The following PCOLCE variants were observed in gnomAD, a reference collection of about 807,000 sequenced individuals.
The protein encoded by PCOLCE is procollagen C-endopeptidase enhancer.
In PCOLCE, 33 loss-of-function variants were observed where a neutral mutation model predicts 47.2. The ratio of observed to expected loss-of-function variants is 0.70; its 90% CI spans 0.53 to 0.93. The LOEUF is 0.93. Ranked by LOEUF, PCOLCE falls within the 40% of genes least tolerant of loss-of-function variation. The probability of loss-of-function intolerance (pLI) is 0.00; values close to 1 mark genes in which losing one functional copy is unlikely to be tolerated. For synonymous variants in PCOLCE, 254 were observed against 252.5 expected, an observed-to-expected ratio of 1.01 and a Z score of -0.06; for missense variants, 584 against 585.3, an observed-to-expected ratio of 1.00 and a Z score of 0.02.
Position 100,605,105 on chromosome 7 carries a change from G to C in PCOLCE, c.478G>C (p.Gly160Arg). The change falls in exon 4 of 9, where the codon GGG (glycine) becomes CGG (arginine). Residue 160 changes from glycine to arginine, a missense_variant. Coordinates refer to ENST00000223061, the MANE Select transcript of PCOLCE (RefSeq NM_002593.4). This position sits in a 1 kb window ranked among gnomAD's most constrained non-coding sequence, Gnocchi z 6.1. ...CCCCTCCCCAGAGCACCAATTTTGC[G>C]GGGGGCGGCTGGAGAAGGCCCAGGG... Reference protein sequence around the residue: ...ATSGTEHQFCGGRLEKAQGTL... With the variant: ...ATSGTEHQFCRGRLEKAQGTL... The C allele has an allele frequency of 1.9e-6, 3 of 1,611,146 alleles. No individual in the cohort carries two copies. The highest frequency in any genetic ancestry group is 2.5e-6 in the Non-Finnish European group (3 of 1,178,712).
At position 100,602,504 on chromosome 7, in the gene PCOLCE, C is replaced by T. The variant is rs1259084340; in HGVS notation, c.48C>T (p.Ala16=). The change falls in exon 1 of 9, where the codon GCC becomes GCT. Residue 16 remains alanine, a synonymous_variant. Transcript: ENST00000223061. ...TASLLGPLLT[A]CALLPFAQGQ... is the part of the protein sequence containing the mutation. Reference sequence around the variant, plus strand: ...CCCTCCTGGGGCCCCTCCTCACTGCCTGCGCCCTGCTGCCTTTTGCCCAGG... The same window carrying T: ...CCCTCCTGGGGCCCCTCCTCACTGCTTGCGCCCTGCTGCCTTTTGCCCAGG... 1 of 1,613,258 alleles carries T rather than the reference C, an allele frequency of 6.2e-7. No individual in the cohort carries two copies.
Position 100,604,049 on chromosome 7 carries a change from G to A in PCOLCE, c.295G>A (p.Ala99Thr), listed in dbSNP as rs772631901. 2 of 1,607,804 alleles carry A rather than the reference G, an allele frequency of 1.2e-6. No individual in the cohort carries two copies. Among genetic ancestry groups the A allele is most frequent in the African/African-American group, 1.3e-5 (1 of 74,930 alleles). ...ACRYDALEVF[A>T]GSGTSGQRLG... ...CCGCTACGATGCTCTGGAGGTCTTC[G>A]CTGGGTCTGGGACTTCCGGCCAGCG... Residue 99 changes from alanine (A) to threonine (T), a missense_variant, in exon 3 of 9, where the codon GCT becomes ACT. Physicochemically the swap from Ala to Thr is moderately conservative, Grantham distance 58. Coordinates refer to ENST00000223061, the MANE Select transcript of PCOLCE (RefSeq NM_002593.4). The surrounding 1 kb of genome is among the most constrained non-coding windows in gnomAD (Gnocchi z 6.4).
At chr7:100,603,606 G>A (rs1310538691) in intron 2 of PCOLCE, 68 bp downstream of exon 2, 2 of 682,224 alleles carry the variant, frequency 2.9e-6, no homozygotes, top group South Asian at 3.6e-5. Context: ...ACTGCGAAGG[G>A]ACCCCCCCCC....
In PCOLCE at chr7:100,602,543, C is replaced by T; in HGVS notation, c.87C>T (p.Asn29=). ...LLPFAQGQTP[N]YTRPVFLCGG... ...CTTTTGCCCAGGGCCAGACCCCCAA[C>T]TACACCAGGTAGGTCTCTTGGCATC... The change falls in exon 1 of 9, where the codon AAC becomes AAT. Residue 29 remains asparagine (N), a synonymous_variant. Transcript: ENST00000223061. 3 of 1,601,272 alleles carry T rather than the reference C, an allele frequency of 1.9e-6. No individual in the cohort carries two copies. The highest frequency in any genetic ancestry group is 2.2e-5 in the East Asian group (1 of 44,816).
Position 100,607,704 on chromosome 7 carries a change from T to C in PCOLCE, c.1080T>C (p.Leu360=), listed in dbSNP as rs200457121. ...AGGGCCTTGCCGTGACTGTCAGTCTTATTGGTGCTTATAAAACTGGAGGAC... is the reference window on the plus strand; with the variant it reads ...AGGGCCTTGCCGTGACTGTCAGTCTCATTGGTGCTTATAAAACTGGAGGAC... ...PGEGLAVTVS[L]IGAYKTGGLD... The change falls in exon 8 of 9, where the codon CTT becomes CTC. Residue 360 remains leucine (L), a synonymous_variant. Transcript: ENST00000223061. The C allele has an allele frequency of 5.0e-5, 81 of 1,613,980 alleles. No individual in the cohort carries two copies. In the East Asian group the frequency reaches 1.8e-3, roughly 36 times the overall value.
rs1802699371 is a variant in PCOLCE, at chr7:100,605,579, G to A, written c.589-97G>A. On this transcript the variant is annotated intron_variant, in intron 4 of 8. Transcript: ENST00000223061. The surrounding 1 kb of genome is among the most constrained non-coding windows in gnomAD (Gnocchi z 6.1). ...GGAGGGGGGCCCAGAGGACGCGGGAGGTGGGAGTGGGAGCTGCTGCAGGCA... is the reference window on the plus strand; with the variant it reads ...GGAGGGGGGCCCAGAGGACGCGGGAAGTGGGAGTGGGAGCTGCTGCAGGCA... 3 of 1,424,864 alleles carry A rather than the reference G, an allele frequency of 2.1e-6. No individual in the cohort carries two copies. The highest frequency in any genetic ancestry group is 2.8e-6 in the Non-Finnish European group (3 of 1,053,130). 88.3% of individuals were successfully genotyped at this position (1,424,864 alleles called of 1,614,324 possible).
At chr7:100,603,709 C>T in intron 2 of PCOLCE, 171 bp downstream of exon 2, 2 of 591,390 alleles carry the variant, frequency 3.4e-6, no homozygotes, top group Non-Finnish European at 6.1e-6. Flanking sequence ...CACGCATCAT[C>T]TTAACCCTTC....
At chr7:100,606,690 C>G in intron 6 of PCOLCE, 60 bp downstream of exon 6, 1 of 1,318,962 alleles carries the variant, frequency 7.6e-7, no homozygotes, top group Non-Finnish European at 1.0e-6. Context: ...TCAAAAAGTT[C>G]TGACCTGGGC....
At position 100,605,654 on chromosome 7, in the gene PCOLCE, C is replaced by A; in HGVS notation, c.589-22C>A. The A allele has an allele frequency of 6.4e-7, 1 of 1,567,932 alleles. No individual in the cohort carries two copies. Among genetic ancestry groups the A allele is most frequent in the South Asian group, 1.2e-5 (1 of 85,392 alleles). On this transcript the variant is annotated intron_variant, in intron 4 of 8. Transcript: ENST00000223061. The surrounding 1 kb of genome is among the most constrained non-coding windows in gnomAD (Gnocchi z 6.1). ...GCCCAGGGGTGTCCCGCCGCGCAGT[C>A]CCCGCCTCCGCCCGCCGCCAGGTCA...
In PCOLCE at chr7:100,605,889, T is replaced by G; in HGVS notation, c.725+77T>G. The G allele has an allele frequency of 2.5e-4, 365 of 1,458,660 alleles. No individual in the cohort carries two copies. The highest frequency in any genetic ancestry group is 3.1e-4 in the Non-Finnish European group (334 of 1,074,536). The allele number at this position is 1,458,660 out of a possible 1,614,324, so 90.4% of individuals were successfully genotyped here. On this transcript the variant is annotated intron_variant, in intron 5 of 8. Coordinates refer to ENST00000223061, the MANE Select transcript of PCOLCE (RefSeq NM_002593.4). The surrounding 1 kb of genome is among the most constrained non-coding windows in gnomAD (Gnocchi z 6.1). ...ACGCGGCTGTTTGGAGGGGCGGGGTTCAGCTAAAGGGACGGGATCTGAACC... is the reference window on the plus strand; with the variant it reads ...ACGCGGCTGTTTGGAGGGGCGGGGTGCAGCTAAAGGGACGGGATCTGAACC...
intron 1 of PCOLCE, 123 bp from the exon 2 acceptor site, chr7:100,603,307 T>C: frequency 3.4e-6 from 2 of 592,710 alleles, no homozygotes; most frequent in African/African-American, 1.9e-5. Context: ...TCTCAAGGCC[T>C]TTCCATTTCA....
At position 100,605,473 on chromosome 7, in the gene PCOLCE, C is replaced by A; in HGVS notation, c.589-203C>A. ...ACTTGTGAGTGCGCCAGGACTTGAC[C>A]TTGCCAACCACGACGACCGACACCC... On this transcript the variant is annotated intron_variant, in intron 4 of 8. Transcript: ENST00000223061. The surrounding 1 kb of genome is among the most constrained non-coding windows in gnomAD (Gnocchi z 6.1). 1 of 700,716 alleles carries A rather than the reference C, an allele frequency of 1.4e-6. No homozygotes were observed. The highest frequency in any genetic ancestry group is 2.3e-6 in the Non-Finnish European group (1 of 427,682). 43.4% of individuals were successfully genotyped at this position (700,716 alleles called of 1,614,324 possible). A position where few individuals can be genotyped will look rare whatever the true frequency, so the allele number is the denominator to read the frequency against.
Position 100,607,721 on chromosome 7 carries a change from C to T in PCOLCE, c.1097C>T (p.Thr366Ile). ...GTCAGTCTTATTGGTGCTTATAAAA[C>T]TGGAGGACTGGACCTGCCTTCTCCA... ...VTVSLIGAYK[T>I]GGLDLPSPPT... Residue 366 changes from threonine to isoleucine, a missense_variant, in exon 8 of 9, where the codon ACT (threonine) becomes ATT (isoleucine). Transcript: ENST00000223061. The T allele has an allele frequency of 1.9e-6, 3 of 1,613,960 alleles. No homozygotes were observed. The African/African-American group carries it at 4.0e-5, about 22-fold the overall frequency.
rs571779503 is a variant in PCOLCE, at chr7:100,608,134, A to G, written c.*31A>G. 6.3e-7 allele frequency: 1 copy of G among 1,593,332 alleles called. No homozygotes were observed. Among genetic ancestry groups the G allele is most frequent in the Non-Finnish European group, 8.6e-7 (1 of 1,166,956 alleles). ...AGGCCAGCCCCGGCCCCTAGCCCTC[A>G]GGCCTTCTTTCTTATCCAAATAAAT... On this transcript the variant is annotated 3_prime_UTR_variant, in exon 9 of 9. Transcript: ENST00000223061.
At chr7:100,603,930 T>C (rs1223431337) in intron 2 of PCOLCE, 29 bp from the exon 3 acceptor site, 3 of 1,594,594 alleles carry the variant, frequency 1.9e-6, no homozygotes, top group African/African-American at 2.7e-5. Flanking sequence ...CCTGACTCTG[T>C]GGGTCCCCGC....
Position 100,604,186 on chromosome 7 carries a change from C to G in PCOLCE, c.432C>G (p.Leu144=), listed in dbSNP as rs148210603. The part of the protein sequence containing the change: ...DEGTGGRGFL[L]WYSGRATSGT... ...GCACAGGAGGACGAGGCTTCCTGCT[C>G]TGGTACAGCGGGCGGGCCACCTCGG... Residue 144 remains leucine (L), a synonymous_variant, in exon 3 of 9, where the codon CTC becomes CTG. Coordinates refer to ENST00000223061, the MANE Select transcript of PCOLCE (RefSeq NM_002593.4). The surrounding 1 kb of genome is among the most constrained non-coding windows in gnomAD (Gnocchi z 6.4). 16 of 1,612,880 alleles carry G rather than the reference C, an allele frequency of 9.9e-6. No individual in the cohort carries two copies. Among genetic ancestry groups the G allele is most frequent in the South Asian group, 2.2e-5 (2 of 91,074 alleles).
At chr7:100,603,902 T>A in intron 2 of PCOLCE, 57 bp from the exon 3 acceptor site, 2 of 1,575,550 alleles carry the variant, frequency 1.3e-6, no homozygotes, top group South Asian at 2.3e-5. Context: ...AGCTGCCCTC[T>A]GGCTGGGTTG....
chr7:100,604,286 C>A lies in PCOLCE; in HGVS notation c.463+69C>A, dbSNP rs1472382644. On this transcript the variant is annotated intron_variant, in intron 3 of 8. Transcript: ENST00000223061. The surrounding 1 kb of genome is among the most constrained non-coding windows in gnomAD (Gnocchi z 6.4). ...CCCCGGCCGCAGCCCCGCCCCCAGC[C>A]CTAACCTCCGCCCCGCCCACCCCGC... 4.3e-6 allele frequency: 6 copies of A among 1,399,478 alleles called. No individual in the cohort carries two copies. The highest frequency in any genetic ancestry group is 4.8e-6 in the Non-Finnish European group (5 of 1,036,430). The allele number at this position is 1,399,478 out of a possible 1,614,324, so 86.7% of individuals were successfully genotyped here.
intron 2 of PCOLCE, 69 bp downstream of exon 2, chr7:100,603,607 A>G (rs1287490189): frequency 2.0e-5 from 11 of 544,704 alleles, no homozygotes; most frequent in Middle Eastern, 4.3e-4. Flanking sequence ...CTGCGAAGGG[A>G]CCCCCCCCCC....
Sources: gnomAD v4.1 joint callset for allele counts on GRCh38, gnomAD v4.1.1 for gene constraint, Gnocchi (gnomAD v3.1) non-coding constraint, MANE v1.5 for transcripts, NCBI Gene and HGNC (gene_info 2026-07-23, HGNC 2026-07-21) for gene names.